AGBL1: variants seen among roughly 807,000 people sequenced by gnomAD.
AGBL1 encodes cytosolic carboxypeptidase 4.
Under a neutral mutation model 118.9 loss-of-function variants are expected in AGBL1, and 130 were observed. The observed-to-expected ratio is 1.09, with a 90% confidence interval of 0.95 to 1.26. The LOEUF is 1.26. AGBL1 is among the 50% of genes most tolerant of loss of function. The pLI, the probability that AGBL1 is intolerant of heterozygous loss-of-function variation, is 0.00. For synonymous variants in AGBL1, 555 were observed against 478.9 expected, an observed-to-expected ratio of 1.16 and a Z score of -2.08; for missense variants, 1,584 against 1,298.1, an observed-to-expected ratio of 1.22 and a Z score of -3.38.
intron 18 of AGBL1, among the ~76,000 whole-genome samples, chr15:86,488,705 C>A (rs1164644111): frequency 1.3e-5 from 2 of 152,036 alleles, no homozygotes; most frequent in Non-Finnish European, 1.5e-5. Context: ...ACATACCTGT[C>A]CTCCTTGCTT....
chr15:86,885,977 G>T (rs530651158), intron 22 of AGBL1, among the ~76,000 whole-genome samples: 1 of 152,324 alleles, frequency 6.6e-6, no homozygotes, highest in African/African-American at 2.4e-5. Context: ...AGGCCTGATA[G>T]AAACATAGAA....
At chr15:86,758,331 C>T (rs1241983778) in intron 22 of AGBL1, among the ~76,000 whole-genome samples, 1 of 152,092 alleles carries the variant, frequency 6.6e-6, no homozygotes, top group Non-Finnish European at 1.5e-5. Flanking sequence ...ATAATCTACT[C>T]ATTATCTTAA....
At chr15:86,269,826 T>C in intron 13 of AGBL1, 93 bp from the exon 14 acceptor site, 1 of 1,411,414 alleles carries the variant, frequency 7.1e-7, no homozygotes, top group South Asian at 1.4e-5. Flanking sequence ...CTTAGATCTG[T>C]AACCCAGAAA....
chr15:86,684,247 G>C (rs1029609602), intron 22 of AGBL1, among the ~76,000 whole-genome samples: 3 of 152,114 alleles, frequency 2.0e-5, no homozygotes, highest in African/African-American at 7.2e-5. Context: ...TTAGAAGAAA[G>C]ATGGTGCCTT....
chr15:86,998,095 T>C (rs956096325), intron 24 of AGBL1, among the ~76,000 whole-genome samples: 3 of 152,190 alleles, frequency 2.0e-5, no homozygotes, highest in Admixed American at 2.0e-4. Flanking sequence ...ACAGGCAGCT[T>C]CTGAGATGAC....
rs759156136 is a variant in AGBL1, at chr15:86,279,678, A to T, written c.2115A>T (p.Ala705=). 6.2e-7 allele frequency: 1 copy of T among 1,613,514 alleles called. No individual in the cohort carries two copies. The highest frequency in any genetic ancestry group is 8.5e-7 in the Non-Finnish European group (1 of 1,179,570). The change falls in exon 16 of 23, where the codon GCA becomes GCT. Residue 705 remains alanine (A), a synonymous_variant. Transcript: ENST00000614907. The part of the protein sequence containing the change: ...YRQSTAVAGG[A]SGKCYYTLTF... ...AGAGTACAGCTGTTGCAGGCGGAGC[A>T]TCTGGGAAGTGCTACTATACCCTCA...
At chr15:86,199,374 C>G (rs2077868020) in intron 5 of AGBL1, among the ~76,000 whole-genome samples, 1 of 152,142 alleles carries the variant, frequency 6.6e-6, no homozygotes, top group Non-Finnish European at 1.5e-5. Flanking sequence ...TTCAGGTTGT[C>G]TGTGTCTGTT....
chr15:86,184,739 C>T (rs1439112745), intron 5 of AGBL1, among the ~76,000 whole-genome samples: 1 of 152,066 alleles, frequency 6.6e-6, no homozygotes, highest in Non-Finnish European at 1.5e-5. Flanking sequence ...CAATGCCATC[C>T]TCATCAAGCT....
chr15:86,740,681 G>A (rs2077664508), intron 22 of AGBL1, among the ~76,000 whole-genome samples: 1 of 152,128 alleles, frequency 6.6e-6, no homozygotes, highest in Admixed American at 6.6e-5. Context: ...TTCATGGGGA[G>A]CTGGGTAGAC....
At chr15:86,589,814 AT>A (rs879880466) in intron 21 of AGBL1, among the ~76,000 whole-genome samples, 1 of 151,862 alleles carries the variant, frequency 6.6e-6, no homozygotes, top group Non-Finnish European at 1.5e-5. Flanking sequence ...GTCCACACAT[AT>A]TTTTTGTAAT....
intron 18 of AGBL1, among the ~76,000 whole-genome samples, chr15:86,432,358 G>A (rs1187049503): frequency 1.3e-5 from 2 of 152,152 alleles, no homozygotes; most frequent in East Asian, 1.9e-4. Flanking sequence ...CAGTTTCTTG[G>A]ACTTTGTTTT....
chr15:86,176,615 A>G (rs149420583), intron 5 of AGBL1, among the ~76,000 whole-genome samples: 2 of 152,316 alleles, frequency 1.3e-5, no homozygotes, highest in Non-Finnish European at 2.9e-5. Context: ...ACATGAGGAA[A>G]TATCAGTGGG....
intron 23 of AGBL1, among the ~76,000 whole-genome samples, chr15:86,932,664 C>T (rs1411445637): frequency 1.3e-5 from 2 of 151,628 alleles, no homozygotes; most frequent in East Asian, 3.9e-4. Context: ...GTATTTTTTT[C>T]CAAAATCGCT....
intron 1 of AGBL1, chr15:86,080,237 A>C (rs1162722538): frequency 2.6e-6 from 1 of 388,178 alleles, no homozygotes; most frequent in Non-Finnish European, 4.5e-6. Flanking sequence ...TGTTCTGCTT[A>C]AATTATTGAT....
chr15:86,631,705 A>G (rs935720121), intron 21 of AGBL1, among the ~76,000 whole-genome samples: 1 of 152,084 alleles, frequency 6.6e-6, no homozygotes, highest in African/African-American at 2.4e-5. Flanking sequence ...TCCCAGGGAG[A>G]TGCAGAAGAA....
At chr15:86,541,356 C>T (rs1258658722) in intron 19 of AGBL1, among the ~76,000 whole-genome samples, 1 of 152,078 alleles carries the variant, frequency 6.6e-6, no homozygotes, top group East Asian at 1.9e-4. Flanking sequence ...TTAACAAGAC[C>T]TCCAGGTTAT....
At chr15:86,763,173 A>G (rs929717875) in intron 22 of AGBL1, among the ~76,000 whole-genome samples, 5 of 152,018 alleles carry the variant, frequency 3.3e-5, no homozygotes, top group African/African-American at 9.7e-5. Context: ...ACAACAACAA[A>G]AACTATAACA....
intron 18 of AGBL1, among the ~76,000 whole-genome samples, chr15:86,418,772 G>A (rs994360044): frequency 1.1e-4 from 17 of 152,184 alleles, no homozygotes; most frequent in Middle Eastern, 6.8e-3. Context: ...TTGAGAACTT[G>A]CAGCACTTAG....
At chr15:86,093,270 G>A (rs1294929634) in intron 1 of AGBL1, among the ~76,000 whole-genome samples, 1 of 152,154 alleles carries the variant, frequency 6.6e-6, no homozygotes, top group Non-Finnish European at 1.5e-5. Flanking sequence ...GGTCTCAGCT[G>A]TCTAAAAATC....
Sources: gnomAD v4.1 joint callset for allele counts (sites outside exome capture counted in the v4.1 genomes callset) on GRCh38, gnomAD v4.1.1 for gene constraint, MANE v1.5 for transcripts, NCBI Gene and HGNC (gene_info 2026-07-23, HGNC 2026-07-21) for gene names.